Variants in FCRL5 observed in about 807,000 individuals in gnomAD.
FCRL5 encodes the protein Fc receptor like 5, also known as Fc receptor-like protein 5.
FCRL5 carries 79 observed loss-of-function variants against 92.1 expected under a neutral mutation model. That is an observed-to-expected ratio of 0.86 (90% CI 0.72 to 1.03). The LOEUF is 1.03. Among genes scored for constraint, FCRL5 ranks in the 50% least tolerant of loss-of-function variants. The pLI, the probability that FCRL5 is intolerant of heterozygous loss-of-function variation, is 0.00. For synonymous variants in FCRL5, 466 were observed against 469.3 expected (o/e 0.99, Z 0.09); for missense variants, 1,160 against 1,181.1 (o/e 0.98, Z 0.26).
At chr1:157,543,506 T>C (rs891575012) in intron 5 of FCRL5, among the ~76,000 whole-genome samples, 3 of 152,282 alleles carry the variant, frequency 2.0e-5, no homozygotes, top group African/African-American at 7.2e-5. Flanking sequence ...TATTTACAGG[T>C]GAGAAAACTG....
intron 6 of FCRL5, among the ~76,000 whole-genome samples, chr1:157,540,184 C>G (rs1651190515): frequency 6.6e-6 from 1 of 152,242 alleles, no homozygotes; most frequent in Non-Finnish European, 1.5e-5. Flanking sequence ...CTCTCCTGTC[C>G]TCCATCCTAG....
In FCRL5 at chr1:157,514,674, G is replaced by GA. The variant is rs1250106042; in HGVS notation, c.*1000dup. 1 of 152,252 alleles carries GA rather than the reference G, an allele frequency of 6.6e-6. No individual in the cohort carries two copies. Among genetic ancestry groups the GA allele is most frequent in the East Asian group, 1.9e-4 (1 of 5,200 alleles). The allele number at this position is 152,252 out of a possible 1,614,324, so 9.4% of individuals were successfully genotyped here. On this transcript the variant is annotated 3_prime_UTR_variant, in exon 17 of 17. Coordinates refer to ENST00000361835, the MANE Select transcript of FCRL5 (RefSeq NM_031281.3). ...GTCTCAGGCTCTACGCAGACCCACT[G>GA]AATCAGTATCTGTATTTTCACAGGA...
At chr1:157,537,589 A>T (rs1651028257) in intron 7 of FCRL5, among the ~76,000 whole-genome samples, 1 of 152,050 alleles carries the variant, frequency 6.6e-6, no homozygotes, top group East Asian at 1.9e-4. Flanking sequence ...GAAGCATGTG[A>T]TCTCTGTGAG....
Position 157,549,584 on chromosome 1 carries a change from CA to C in FCRL5, c.32-5del, listed in dbSNP as rs201937348. On this transcript the variant is annotated splice_region_variant and splice_polypyrimidine_tract_variant and intron_variant, in intron 1 of 16. Coordinates refer to ENST00000361835, the MANE Select transcript of FCRL5 (RefSeq NM_031281.3). ...CCAAACTGTCCACTGACAGGAGCTG[CA>C]AAAAAATAAGAGCCAGAGATGAGCA... is the stretch of plus-strand genomic sequence containing the variant. 3.1e-6 allele frequency: 5 copies of C among 1,610,406 alleles called. No individual in the cohort carries two copies. Among genetic ancestry groups the C allele is most frequent in the African/African-American group, 1.3e-5 (1 of 74,544 alleles).
chr1:157,526,945 G>A (rs1263269396), intron 9 of FCRL5, among the ~76,000 whole-genome samples: 3 of 152,152 alleles, frequency 2.0e-5, no homozygotes, highest in Non-Finnish European at 4.4e-5. Context: ...GTGTTAAGGG[G>A]ATTATACATG....
intron 13 of FCRL5, chr1:157,519,060 G>A (rs901101055): frequency 1.8e-5 from 5 of 272,628 alleles, no homozygotes; most frequent in East Asian, 7.4e-5. Context: ...TGAAACAAAC[G>A]GAGGCTCCAA....
rs1478264035 is a variant in FCRL5, at chr1:157,543,130, T to C, written c.852A>G (p.Ala284=). The stretch of plus-strand genomic sequence containing the variant: ...GGCTGAGAGTGAGGACAGGATGAGA[T>C]GCAGGGACTGAGCAAGAGAAAAAAT... The part of the protein sequence containing the change: ...PRSWIQVQIP[A]SHPVLTLSPE... The change falls in exon 6 of 17, where the codon GCA becomes GCG. Residue 284 remains alanine, a synonymous_variant. Transcript: ENST00000361835. The C allele has an allele frequency of 9.9e-6, 16 of 1,613,338 alleles. No homozygotes were observed. Among genetic ancestry groups the C allele is most frequent in the Non-Finnish European group, 1.4e-5 (16 of 1,179,702 alleles).
intron 4 of FCRL5, 115 bp from the exon 5 acceptor site, chr1:157,544,661 TC>T: frequency 7.0e-7 from 1 of 1,423,406 alleles, no homozygotes; most frequent in Non-Finnish European, 9.7e-7. Context: ...ATGCCATTGA[TC>T]CCTAGCTTCC....
rs1043958994 is a variant in FCRL5 at position 157,547,058 on chromosome 1, T to A, written c.192A>T (p.Lys64Asn). 6.2e-7 allele frequency: 1 copy of A among 1,614,084 alleles called. No homozygotes were observed. Among genetic ancestry groups the A allele is most frequent in the Admixed American group, 1.7e-5 (1 of 60,010 alleles). Residue 64 changes from lysine to asparagine, a missense_variant, in exon 3 of 17, where the codon AAA becomes AAT. Lys to Asn is a moderately conservative substitution (Grantham distance 94, BLOSUM62 0). Coordinates refer to ENST00000361835, the MANE Select transcript of FCRL5 (RefSeq NM_031281.3). Reference sequence around the variant, plus strand: ...TGTCTGGGGTTTCTCTTAGTATTTCTTTCCCAAGGTACCGATGGTACCATT... The same window carrying A: ...TGTCTGGGGTTTCTCTTAGTATTTCATTCCCAAGGTACCGATGGTACCATT... ...KTKWYHRYLG[K>N]EILRETPDNI...
At chr1:157,517,953 AC>A (rs59062832) in intron 15 of FCRL5, among the ~76,000 whole-genome samples, 15,018 of 152,138 alleles carry the variant, frequency 0.099, 2,074 homozygotes, top group African/African-American at 0.31. Flanking sequence ...TGTGGGGGAT[AC>A]AGCAAGGAGT....
Position 157,547,095 on chromosome 1 carries a change from G to A in FCRL5, c.155C>T (p.Pro52Leu). 6.2e-7 allele frequency: 1 copy of A among 1,614,154 alleles called. No individual in the cohort carries two copies. The highest frequency in any genetic ancestry group is 1.7e-4 in the Middle Eastern group (1 of 6,042). The change falls in exon 3 of 17, where the codon CCA becomes CTA. Residue 52 changes from proline to leucine, a missense_variant. By Grantham distance (98) the Pro-to-Leu change is moderately conservative. Coordinates refer to ENST00000361835, the MANE Select transcript of FCRL5 (RefSeq NM_031281.3). ...CCGATGGTACCATTTTGTTTTCTGTGGTGAGTAGAAGCGAAATCCCTTGCA... is the reference window on the plus strand; with the variant it reads ...CCGATGGTACCATTTTGTTTTCTGTAGTGAGTAGAAGCGAAATCCCTTGCA... ...LTCKGFRFYS[P>L]QKTKWYHRYL...
intron 8 of FCRL5, chr1:157,532,826 G>A (rs1650759818): frequency 6.6e-6 from 1 of 152,170 alleles, no homozygotes; most frequent in South Asian, 2.1e-4. Context: ...TTGAGAGCCA[G>A]TCATAATGCG....
chr1:157,533,629 G>A (rs1650798590), intron 8 of FCRL5: 1 of 152,244 alleles, frequency 6.6e-6, no homozygotes, highest in Non-Finnish European at 1.5e-5. Context: ...GATGGATGCA[G>A]TTCTGTTCTC....
At chr1:157,546,052 ATCTT>A (rs1211790199) in intron 3 of FCRL5, 1 of 192,308 alleles carries the variant, frequency 5.2e-6, no homozygotes, top group Non-Finnish European at 1.1e-5. Flanking sequence ...CTCTTCCTTT[ATCTT>A]TCTTTCTCTG....
chr1:157,514,746 C>T lies in FCRL5; in HGVS notation c.*929G>A, dbSNP rs1461436409. 2.6e-5 allele frequency: 4 copies of T among 152,340 alleles called. No individual in the cohort carries two copies. The highest frequency in any genetic ancestry group is 9.6e-5 in the African/African-American group (4 of 41,458). The allele number at this position is 152,340 out of a possible 1,614,324, so 9.4% of individuals were successfully genotyped here. ...CATGAAAGTGTGAGAAGCCCTTCCT[C>T]TTGCTGAACAGTTTCCTCATCCAAG... On this transcript the variant is annotated 3_prime_UTR_variant, in exon 17 of 17. Coordinates refer to ENST00000361835, the MANE Select transcript of FCRL5 (RefSeq NM_031281.3).
rs1649855400 is a variant in FCRL5, at chr1:157,515,001, G to A, written c.*674C>T. 1 of 154,494 alleles carries A rather than the reference G, an allele frequency of 6.5e-6. No homozygotes were observed. The highest frequency in any genetic ancestry group is 2.0e-4 in the South Asian group (1 of 4,898). The allele number at this position is 154,494 out of a possible 1,614,324, so 9.6% of individuals were successfully genotyped here. ...TTGCTGGGTTACTTCTGTTAGGATG[G>A]GAAGAACTTGGGACTTGGTGTATGA... On this transcript the variant is annotated 3_prime_UTR_variant, in exon 17 of 17. Coordinates refer to ENST00000361835, the MANE Select transcript of FCRL5 (RefSeq NM_031281.3).
At chr1:157,539,390 G>A (rs750022941) in intron 6 of FCRL5, 26 bp from the exon 7 acceptor site, 6 of 1,568,396 alleles carry the variant, frequency 3.8e-6, no homozygotes, top group Non-Finnish European at 5.2e-6. Flanking sequence ...AATTAGTCAA[G>A]ATTTGTTTCT....
At chr1:157,517,928 C>T (rs528944408) in intron 15 of FCRL5, among the ~76,000 whole-genome samples, 2 of 151,032 alleles carry the variant, frequency 1.3e-5, no homozygotes, top group Admixed American at 1.3e-4. Context: ...ATGATCTCTC[C>T]CTCTCTCTCT....
intron 10 of FCRL5, among the ~76,000 whole-genome samples, chr1:157,523,390 CA>C (rs1650287975): frequency 1.3e-5 from 2 of 152,206 alleles, no homozygotes; most frequent in Non-Finnish European, 2.9e-5. Context: ...AAAGGATGAT[CA>C]TGATTTTCAT....
Sources: gnomAD v4.1 joint callset for allele counts (sites outside exome capture counted in the v4.1 genomes callset) on GRCh38, gnomAD v4.1.1 for gene constraint, MANE v1.5 for transcripts, NCBI Gene and HGNC (gene_info 2026-07-23, HGNC 2026-07-21) for gene names.